FAM184A: variants seen among roughly 807,000 people sequenced by gnomAD.
The protein encoded by FAM184A is family with sequence similarity 184 member A.
Under a neutral mutation model 143.8 loss-of-function variants are expected in FAM184A, and 99 were observed. The observed-to-expected ratio is 0.69, with a 90% CI of 0.58 to 0.81. The LOEUF is 0.81. Ranked by LOEUF, FAM184A falls within the 40% of genes least tolerant of loss-of-function variation. The pLI, the probability that FAM184A is intolerant of heterozygous loss-of-function variation, is 0.00. For synonymous variants in FAM184A, 427 were observed against 446.4 expected, an observed-to-expected ratio of 0.96 and a Z score of 0.55; for missense variants, 1,217 against 1,310.5, an observed-to-expected ratio of 0.93 and a Z score of 1.10.
intron 14 of FAM184A, among the ~76,000 whole-genome samples, chr6:118,967,382 T>C (rs915373611): frequency 6.6e-6 from 1 of 152,064 alleles, no homozygotes; most frequent in Admixed American, 6.6e-5. Flanking sequence ...TGGTAACATA[T>C]AAAAAGGACA....
intron 1 of FAM184A, among the ~76,000 whole-genome samples, chr6:119,092,218 G>A (rs1311235993): frequency 6.6e-6 from 1 of 152,166 alleles, no homozygotes; most frequent in Non-Finnish European, 1.5e-5. Flanking sequence ...GCTTACTGAA[G>A]CCTCGACCTT....
At chr6:119,022,127 C>A (rs1025306177) in intron 3 of FAM184A, among the ~76,000 whole-genome samples, 3 of 138,318 alleles carry the variant, frequency 2.2e-5, no homozygotes, top group African/African-American at 8.2e-5. Context: ...GGCGCAATCT[C>A]GGCTCACTGC....
At position 119,020,078 on chromosome 6, in the gene FAM184A, T is replaced by G; in HGVS notation, c.1232A>C (p.Asn411Thr). 1 of 1,610,366 alleles carries G rather than the reference T, an allele frequency of 6.2e-7. No homozygotes were observed. The highest frequency in any genetic ancestry group is 8.5e-7 in the Non-Finnish European group (1 of 1,178,998). The change falls in exon 4 of 18, where the codon AAT becomes ACT. Residue 411 changes from asparagine to threonine, a missense_variant. Coordinates refer to ENST00000338891, the MANE Select transcript of FAM184A (RefSeq NM_024581.6). ...CTCTTCAAGTTGAGATAATCTCTCA[T>G]TGACTCTCGATTTTTCTGATTCTAA... The part of the protein sequence containing the change: ...KDLESEKSRV[N>T]ERLSQLEEER...
intron 3 of FAM184A, among the ~76,000 whole-genome samples, chr6:119,022,265 G>A (rs924635045): frequency 1.3e-5 from 2 of 151,238 alleles, no homozygotes; most frequent in Non-Finnish European, 2.9e-5. Flanking sequence ...CACCTCGTTG[G>A]TCAGGCTGGT....
rs146357593 is a variant in FAM184A, at chr6:119,132,650, C to T, written c.-202+16428G>A. ...CACCCCTTACTCTGCCCTGTCTATT[C>T]TACCTCTGAGAGACATTTCTAACGG... On this transcript the variant is annotated intron_variant, in intron 1 of 16. Transcript: ENST00000352896. 4.6e-3 allele frequency among the ~76,000 whole-genome samples: 698 copies of T among 152,360 alleles called. 6 individuals are homozygous for T. The highest frequency in any genetic ancestry group is 0.01 in the Middle Eastern group (3 of 294).
chr6:119,144,333 CAA>C (rs555955754), intron 1 of FAM184A, among the ~76,000 whole-genome samples: 9,587 of 77,878 alleles, frequency 0.12, 361 homozygotes, highest in East Asian at 0.14. Context: ...GACTCTGACT[CAA>C]AAAAAAAAAA....
At chr6:119,052,281 A>C (rs1786797089) in intron 1 of FAM184A, among the ~76,000 whole-genome samples, 3 of 152,202 alleles carry the variant, frequency 2.0e-5, no homozygotes, top group African/African-American at 7.2e-5. Flanking sequence ...AAAAGATACA[A>C]ATATGTTACC....
At chr6:119,097,723 T>A (rs1161751091) in intron 1 of FAM184A, among the ~76,000 whole-genome samples, 1 of 152,176 alleles carries the variant, frequency 6.6e-6, no homozygotes, top group African/African-American at 2.4e-5. Context: ...GTTGCAATAC[T>A]TTAGGCCTCA....
At chr6:119,102,784 C>CAAAAAAAAAAAAAAAAAAAAAAAAAAAAA (rs58686018) in intron 1 of FAM184A, among the ~76,000 whole-genome samples, 2 of 30,110 alleles carry the variant, frequency 6.6e-5, no homozygotes, top group African/African-American at 1.2e-4. Context: ...GACTCCATCT[C>CAAAAAAAAAAAAAAAAAAAAAAAAAAAAA]AAAAAAAAAA....
chr6:119,127,276 C>T (rs919358380), intron 1 of FAM184A, among the ~76,000 whole-genome samples: 10 of 152,146 alleles, frequency 6.6e-5, no homozygotes, highest in Admixed American at 6.5e-4. Flanking sequence ...CAAATCCCTT[C>T]ACAGTAGCAC....
At chr6:119,003,318 G>A (rs1582490152) in intron 8 of FAM184A, among the ~76,000 whole-genome samples, 183 bp downstream of exon 8, 1 of 152,014 alleles carries the variant, frequency 6.6e-6, no homozygotes, top group South Asian at 2.1e-4. Flanking sequence ...TATATTCAAG[G>A]AAATGCAAAA....
intron 1 of FAM184A, among the ~76,000 whole-genome samples, chr6:119,039,643 GTTACA>G (rs1262150831): frequency 1.3e-5 from 2 of 152,288 alleles, no homozygotes; most frequent in East Asian, 3.9e-4. Flanking sequence ...AATAGGCAGT[GTTACA>G]GGTATCATAG....
At chr6:119,028,926 G>A (rs966061519) in intron 1 of FAM184A, among the ~76,000 whole-genome samples, 3 of 152,206 alleles carry the variant, frequency 2.0e-5, no homozygotes, top group African/African-American at 7.2e-5. Flanking sequence ...GTGTCCACTA[G>A]AGAACTGGTT....
chr6:119,139,149 GT>G (rs922842475), intron 1 of FAM184A, among the ~76,000 whole-genome samples: 2 of 152,136 alleles, frequency 1.3e-5, no homozygotes, highest in Admixed American at 1.3e-4. Flanking sequence ...TGAAACAGAA[GT>G]GGTTTTATCT....
In FAM184A at chr6:119,126,082, T is replaced by A. The variant is rs1018605732; in HGVS notation, c.-202+22996A>T. ...AAGGTGTCAGCGAGGGCTGTGATTC[T>A]AATCTGAGGCTTGGGGTCATCCAAA... is the stretch of plus-strand genomic sequence containing the variant. On this transcript the variant is annotated intron_variant, in intron 1 of 16. Transcript: ENST00000352896. 2.0e-5 allele frequency among the ~76,000 whole-genome samples: 3 copies of A among 152,230 alleles called. No individual in the cohort carries two copies. The East Asian group carries it at 5.8e-4, about 29-fold the overall frequency.
At chr6:119,111,761 T>C (rs984505908) in intron 1 of FAM184A, among the ~76,000 whole-genome samples, 2 of 152,188 alleles carry the variant, frequency 1.3e-5, no homozygotes, top group Non-Finnish European at 1.5e-5. Flanking sequence ...GAAAAATGCA[T>C]GTAGTAGATT....
chr6:119,021,606 G>A (rs554252667), intron 3 of FAM184A, among the ~76,000 whole-genome samples: 2 of 152,308 alleles, frequency 1.3e-5, no homozygotes, highest in East Asian at 1.9e-4. Flanking sequence ...CTTAAGCCCA[G>A]GAGTTTTAGG....
chr6:119,001,594 G>A (rs1044751193), intron 9 of FAM184A, among the ~76,000 whole-genome samples: 5 of 152,108 alleles, frequency 3.3e-5, no homozygotes, highest in African/African-American at 1.2e-4. Context: ...AGAGATGTAT[G>A]GATGGCATCT....
In FAM184A at chr6:119,019,648, G is replaced by A. The variant is rs1389123884; in HGVS notation, c.1332+330C>T. Among the ~76,000 whole-genome samples the A allele has an allele frequency of 2.6e-5, 4 of 152,106 alleles. No homozygotes were observed. In the South Asian group the frequency reaches 8.3e-4, roughly 32 times the overall value. ...CAGAAATTTCCTACATGGATATGCA[G>A]TAATATATTTCATTAATAGAAAACG... On this transcript the variant is annotated intron_variant, in intron 4 of 17. Coordinates refer to ENST00000338891, the MANE Select transcript of FAM184A (RefSeq NM_024581.6).
Sources: allele counts gnomAD v4.1 joint callset (sites outside exome capture counted in the v4.1 genomes callset), GRCh38; gene constraint gnomAD v4.1.1; transcripts MANE v1.5; gene names NCBI Gene and HGNC (gene_info 2026-07-23, HGNC 2026-07-21).